CLEC16A: variants seen among roughly 807,000 people sequenced by gnomAD.
CLEC16A encodes C-type lectin domain containing 16A.
A neutral mutation model predicts 109.5 loss-of-function variants in CLEC16A; 51 were observed. That is an observed-to-expected ratio of 0.47 (90% CI 0.37 to 0.59). CLEC16A has a LOEUF of 0.59. Among genes scored for constraint, CLEC16A ranks in the 20% least tolerant of loss-of-function variants. The pLI is 0.00. For missense variants in CLEC16A, 1,339 were observed against 1,394.0 expected (o/e 0.96, Z 0.63); for synonymous variants, 673 against 564.2 (o/e 1.19, Z -2.73).
chr16:10,946,720 G>A (rs976695858), intron 1 of CLEC16A, among the ~76,000 whole-genome samples: 6 of 152,044 alleles, frequency 3.9e-5, no homozygotes, highest in Admixed American at 6.5e-5. Flanking sequence ...TTAATTTATC[G>A]AATGCATTAT....
intron 22 of CLEC16A, among the ~76,000 whole-genome samples, chr16:11,133,919 G>A (rs1567371605): frequency 1.3e-5 from 2 of 152,146 alleles, no homozygotes; most frequent in South Asian, 2.1e-4. Context: ...AGGCGGGTCC[G>A]TGAGTTATGG....
At chr16:10,957,607 C>G (rs185934885) in intron 1 of CLEC16A, among the ~76,000 whole-genome samples, 175 bp from the exon 2 acceptor site, 61 of 152,330 alleles carry the variant, frequency 4.0e-4, no homozygotes, top group Non-Finnish European at 6.6e-4. Flanking sequence ...CCCTTCAAAG[C>G]ATTGTCTGCT....
intron 18 of CLEC16A, chr16:11,056,898 A>C (rs2048240567): frequency 6.6e-6 from 1 of 152,180 alleles, no homozygotes; most frequent in Non-Finnish European, 1.5e-5. Context: ...TAGCACAAGA[A>C]GTTTTTCATG....
At chr16:11,167,140 C>T (rs376770098) in intron 23 of CLEC16A, among the ~76,000 whole-genome samples, 235 of 152,280 alleles carry the variant, frequency 1.5e-3, no homozygotes, top group African/African-American at 5.0e-3. Context: ...ATGGGACATG[C>T]ACCAGCTCCT....
intron 13 of CLEC16A, among the ~76,000 whole-genome samples, chr16:11,036,738 G>C (rs773969455): frequency 6.6e-6 from 1 of 151,842 alleles, no homozygotes; most frequent in South Asian, 2.1e-4. Context: ...TAGTAGAGAC[G>C]GGGTTTCACC....
chr16:11,047,401 C>T (rs1426126258), intron 17 of CLEC16A, 59 bp downstream of exon 17: 2 of 1,378,362 alleles, frequency 1.5e-6, no homozygotes, highest in Non-Finnish European at 2.0e-6. Context: ...TGCCAAGCTC[C>T]CCCTGCCCAT....
chr16:11,030,381 C>G (rs1262658911), intron 13 of CLEC16A, among the ~76,000 whole-genome samples: 1 of 152,074 alleles, frequency 6.6e-6, no homozygotes, highest in Non-Finnish European at 1.5e-5. Flanking sequence ...ATTTTATATC[C>G]CATCACCAGT....
chr16:11,178,722 GC>G lies in CLEC16A; in HGVS notation c.*36del, dbSNP rs1267769880. The G allele has an allele frequency of 7.0e-7, 1 of 1,424,922 alleles. No homozygotes were observed. The highest frequency in any genetic ancestry group is 9.2e-7 in the Non-Finnish European group (1 of 1,084,092). 88.3% of individuals were successfully genotyped at this position (1,424,922 alleles called of 1,614,324 possible). On this transcript the variant is annotated 3_prime_UTR_variant, in exon 24 of 24. Coordinates refer to ENST00000409790, the MANE Select transcript of CLEC16A (RefSeq NM_015226.3). This position sits in a 1 kb window ranked among gnomAD's most constrained non-coding sequence, Gnocchi z 6.5. ...GCCGGGGCCTCCCTTTGTGTGTGTGGCCCCGCTGGTAGGGACCCCAGTGCCG... is the reference window on the plus strand; with the variant it reads ...GCCGGGGCCTCCCTTTGTGTGTGTGGCCCGCTGGTAGGGACCCCAGTGCCG...
chr16:10,945,444 GA>G (rs2041307619), intron 1 of CLEC16A, among the ~76,000 whole-genome samples: 1 of 152,220 alleles, frequency 6.6e-6, no homozygotes, highest in African/African-American at 2.4e-5. Flanking sequence ...GAAAAATAGA[GA>G]CCTCTGAGGA....
chr16:11,035,460 G>A (rs34251053), intron 13 of CLEC16A, among the ~76,000 whole-genome samples: 24,473 of 152,230 alleles, frequency 0.16, 2,411 homozygotes, highest in South Asian at 0.23. Flanking sequence ...TTGGGAAGGT[G>A]GAGGGAAAGA....
chr16:10,990,778 A>G (rs1172532256), intron 10 of CLEC16A, among the ~76,000 whole-genome samples: 1 of 152,224 alleles, frequency 6.6e-6, no homozygotes, highest in African/African-American at 2.4e-5. Context: ...GCGTTGGGCC[A>G]TTGGTGACTT....
intron 11 of CLEC16A, among the ~76,000 whole-genome samples, chr16:11,018,200 G>A (rs1039368161): frequency 2.6e-5 from 4 of 151,278 alleles, no homozygotes; most frequent in African/African-American, 7.3e-5. Flanking sequence ...CTAGCTACTC[G>A]GGAGCCCAGG....
intron 22 of CLEC16A, among the ~76,000 whole-genome samples, chr16:11,134,310 A>G (rs978079439): frequency 1.3e-5 from 2 of 150,644 alleles, no homozygotes; most frequent in African/African-American, 2.4e-5. Flanking sequence ...ATTTGTATCT[A>G]TTTCTGGAAG....
chr16:11,128,023 G>C (rs2052949367), intron 22 of CLEC16A, among the ~76,000 whole-genome samples: 2 of 152,182 alleles, frequency 1.3e-5, no homozygotes, highest in Non-Finnish European at 2.9e-5. Context: ...CTGTGGCTAT[G>C]ATTGCTAAGT....
At chr16:11,160,534 C>T (rs1008974816) in intron 22 of CLEC16A, among the ~76,000 whole-genome samples, 16 of 152,138 alleles carry the variant, frequency 1.1e-4, no homozygotes, top group Admixed American at 1.0e-3. Context: ...CCCTTCAGCC[C>T]ACCACACCTA....
At chr16:11,164,266 C>T (rs1159379281) in intron 22 of CLEC16A, among the ~76,000 whole-genome samples, 1 of 152,236 alleles carries the variant, frequency 6.6e-6, no homozygotes, top group Admixed American at 6.5e-5. Context: ...TTTCACTGGG[C>T]CCCATGCACT....
At chr16:11,025,897 G>A (rs2046379360) in intron 13 of CLEC16A, among the ~76,000 whole-genome samples, 1 of 152,192 alleles carries the variant, frequency 6.6e-6, no homozygotes. Context: ...TCTTTTTAAA[G>A]ATAGCCAAAC....
In CLEC16A at chr16:11,123,778, G is replaced by A; in HGVS notation, c.2305G>A (p.Ala769Thr). The A allele has an allele frequency of 6.2e-7, 1 of 1,614,056 alleles. No homozygotes were observed. The highest frequency in any genetic ancestry group is 8.5e-7 in the Non-Finnish European group (1 of 1,179,898). Residue 769 changes from alanine (A) to threonine (T), a missense_variant, in exon 21 of 24, where the codon GCC (alanine) becomes ACC (threonine). By Grantham distance (58) the Ala-to-Thr change is moderately conservative. Coordinates refer to ENST00000409790, the MANE Select transcript of CLEC16A (RefSeq NM_015226.3). Reference protein sequence around the residue: ...QVTGVEDDSRALNITIHKPAS... With the variant: ...QVTGVEDDSRTLNITIHKPAS... ...GACTGGCGTGGAGGACGACAGCCGT[G>A]CCCTGAACATCACCATCCACAAGCC...
intron 19 of CLEC16A, among the ~76,000 whole-genome samples, chr16:11,091,796 T>TC (rs1368597597): frequency 1.3e-5 from 2 of 152,182 alleles, no homozygotes; most frequent in Non-Finnish European, 2.9e-5. Context: ...CTGCAGATGA[T>TC]CTGCTAGGCT....
Sources: gnomAD v4.1 joint callset for allele counts (sites outside exome capture counted in the v4.1 genomes callset) on GRCh38, gnomAD v4.1.1 for gene constraint, Gnocchi (gnomAD v3.1) non-coding constraint, MANE v1.5 for transcripts, NCBI Gene and HGNC (gene_info 2026-07-23, HGNC 2026-07-21) for gene names.